USP2: variants seen among roughly 807,000 people sequenced by gnomAD.
The protein encoded by USP2 is ubiquitin specific peptidase 2.
In USP2, 33 loss-of-function variants were observed where a neutral mutation model predicts 72.0. The ratio of observed to expected loss-of-function variants is 0.46; its 90% confidence interval spans 0.35 to 0.61. The LOEUF (loss-of-function observed/expected upper bound fraction) is 0.61. Ranked by LOEUF, USP2 falls within the 20% of genes least tolerant of loss-of-function variation. The pLI is 0.01. For synonymous variants in USP2, 296 were observed against 312.5 expected, an observed-to-expected ratio of 0.95 and a Z score of 0.56; for missense variants, 691 against 797.8, an observed-to-expected ratio of 0.87 and a Z score of 1.61.
rs372906234 is a variant in USP2 at position 119,373,010 on chromosome 11, A to C, written c.471T>G (p.Asp157Glu). ...ARDFSSLRTS[D>E]SYRIDPRNLG... ...GGTTCCTGGGGTCTATCCGGTAGCT[A>C]TCTGAGGTCCGGAGGCTGGAGAAAT... Residue 157 changes from aspartate to glutamate, a missense_variant, in exon 2 of 13, where the codon GAT (aspartate) becomes GAG (glutamate). Coordinates refer to ENST00000260187, the MANE Select transcript of USP2 (RefSeq NM_004205.5). The C allele has an allele frequency of 1.5e-5, 25 of 1,613,678 alleles. No individual in the cohort carries two copies. The highest frequency in any genetic ancestry group is 2.7e-5 in the African/African-American group (2 of 74,904).
Position 119,356,173 on chromosome 11 carries a change from T to G in USP2, c.*662A>C, listed in dbSNP as rs999119650. 1 of 151,850 alleles carries G rather than the reference T, an allele frequency of 6.6e-6. No homozygotes were observed. Among genetic ancestry groups the G allele is most frequent in the Non-Finnish European group, 1.5e-5 (1 of 67,980 alleles). The allele number at this position is 151,850 out of a possible 1,614,324, so 9.4% of individuals were successfully genotyped here. A position where few individuals can be genotyped will look rare whatever the true frequency, so the allele number is the denominator to read the frequency against. ...ACCACGGAGGGCTAGCATTAGAAAG[T>G]TGTACTTGGAAAAGCAATAAAAGGA... On this transcript the variant is annotated 3_prime_UTR_variant, in exon 13 of 13. Transcript: ENST00000260187.
intron 1 of USP2, among the ~76,000 whole-genome samples, chr11:119,381,270 C>G (rs970103629): frequency 1.3e-5 from 2 of 152,170 alleles, no homozygotes; most frequent in African/African-American, 4.8e-5. Flanking sequence ...ACACAGTTGG[C>G]TCTTCCTGGC....
At chr11:119,364,313 G>A in intron 2 of USP2, 1 of 463,468 alleles carries the variant, frequency 2.2e-6, no homozygotes, top group Non-Finnish European at 2.8e-6. Flanking sequence ...GCGCCGGCAC[G>A]CGGACCCGAA....
In USP2 at chr11:119,358,844, A is replaced by C. The variant is rs374271839; in HGVS notation, c.1173-7T>G. ...TCGGCCTTTCTCGTCATCACTGGGA[A>C]CCAGAGAGAGACAACAATTGGGTCA... On this transcript the variant is annotated splice_polypyrimidine_tract_variant and splice_region_variant and intron_variant, in intron 6 of 12. Transcript: ENST00000260187. 10 of 1,613,928 alleles carry C rather than the reference A, an allele frequency of 6.2e-6. No homozygotes were observed. In the African/African-American group the frequency reaches 1.3e-4, roughly 22 times the overall value.
Position 119,381,495 on chromosome 11 carries a change from C to T in USP2, c.-64G>A, listed in dbSNP as rs776249379. On this transcript the variant is annotated 5_prime_UTR_variant, in exon 1 of 13. Transcript: ENST00000260187. ...TACCTGCCTCTTCTTGGAGTATGGA[C>T]GAGTCGAACCGGGCACAAGCATGGA... The T allele has an allele frequency of 6.5e-7, 1 of 1,536,182 alleles. No homozygotes were observed. Among genetic ancestry groups the T allele is most frequent in the South Asian group, 1.2e-5 (1 of 84,064 alleles).
chr11:119,378,445 G>T (rs950509632), intron 1 of USP2, among the ~76,000 whole-genome samples: 3 of 152,158 alleles, frequency 2.0e-5, no homozygotes, highest in Non-Finnish European at 2.9e-5. Flanking sequence ...GTCTATCAGG[G>T]GCTAGCACCC....
At position 119,373,416 on chromosome 11, in the gene USP2, T is replaced by A; in HGVS notation, c.65A>T (p.Tyr22Phe). The A allele has an allele frequency of 6.2e-7, 1 of 1,605,320 alleles. No homozygotes were observed. Among genetic ancestry groups the A allele is most frequent in the Non-Finnish European group, 8.5e-7 (1 of 1,179,838 alleles). The change falls in exon 2 of 13, where the codon TAT becomes TTT. Residue 22 changes from tyrosine to phenylalanine, a missense_variant. Tyr to Phe is a conservative substitution (Grantham distance 22, BLOSUM62 3). Transcript: ENST00000260187. ...TESARYTDAH[Y>F]AKSGYGAYTP... The stretch of plus-strand genomic sequence containing the variant: ...GTAGGCACCATAGCCCGACTTGGCA[T>A]AGTGGGCATCTGTGTAGCGGGCCGA...
In USP2 at chr11:119,356,125, G is replaced by T. The variant is rs1313489462; in HGVS notation, c.*710C>A. On this transcript the variant is annotated 3_prime_UTR_variant, in exon 13 of 13. Coordinates refer to ENST00000260187, the MANE Select transcript of USP2 (RefSeq NM_004205.5). The stretch of plus-strand genomic sequence containing the variant: ...CCAGGTCTACTGTGGCTGTGCTTGG[G>T]GCCTGGCCAACGCCCACCTAGCACC... The T allele has an allele frequency of 6.6e-6, 1 of 151,852 alleles. No individual in the cohort carries two copies. Among genetic ancestry groups the T allele is most frequent in the Admixed American group, 6.6e-5 (1 of 15,236 alleles). 9.4% of individuals were successfully genotyped at this position (151,852 alleles called of 1,614,324 possible).
intron 1 of USP2, among the ~76,000 whole-genome samples, chr11:119,374,526 G>A (rs948460180): frequency 3.9e-5 from 6 of 152,128 alleles, no homozygotes; most frequent in Admixed American, 6.5e-5. Flanking sequence ...ATTTGCCCCC[G>A]GCCACACACC....
chr11:119,364,454 G>A (rs1233371984), intron 2 of USP2, among the ~76,000 whole-genome samples: 1 of 152,148 alleles, frequency 6.6e-6, no homozygotes, highest in Non-Finnish European at 1.5e-5. Flanking sequence ...GGCCGGCCTC[G>A]GGGTTGAGGC....
chr11:119,363,286 C>G (rs1474480557), intron 2 of USP2, among the ~76,000 whole-genome samples: 1 of 152,236 alleles, frequency 6.6e-6, no homozygotes, highest in Admixed American at 6.5e-5. Context: ...GCGGAGGGAC[C>G]CGCTGCCCGC....
chr11:119,360,208 A>G lies in USP2; in HGVS notation c.801T>C (p.Ala267=). Residue 267 remains alanine (A), a synonymous_variant, in exon 3 of 13, where the codon GCT becomes GCC. Coordinates refer to ENST00000260187, the MANE Select transcript of USP2 (RefSeq NM_004205.5). ...CCGTGTTCCCAAGGTTTCGAAGACC[A>G]GCCAGACCCTGGGCACTCTTAGAAT... ...GMNSKSAQGL[A]GLRNLGNTCF... 1 of 1,614,064 alleles carries G rather than the reference A, an allele frequency of 6.2e-7. No homozygotes were observed. Among genetic ancestry groups the G allele is most frequent in the Non-Finnish European group, 8.5e-7 (1 of 1,180,010 alleles).
At chr11:119,357,662 G>A in intron 10 of USP2, 72 bp from the exon 11 acceptor site, 1 of 1,613,502 alleles carries the variant, frequency 6.2e-7, no homozygotes, top group East Asian at 2.2e-5. Context: ...AGCCTACAAG[G>A]TCCGTTTCTT....
intron 2 of USP2, chr11:119,363,744 G>A: frequency 3.5e-6 from 3 of 862,558 alleles, no homozygotes; most frequent in South Asian, 6.2e-5. Context: ...GTGGGGGCTG[G>A]GAAGAATCCG....
intron 2 of USP2, chr11:119,363,912 G>GC: frequency 7.5e-7 from 1 of 1,333,394 alleles, no homozygotes; most frequent in Non-Finnish European, 9.6e-7. Flanking sequence ...AGAGAGGGGA[G>GC]CGCGGCCGCA....
Position 119,357,535 on chromosome 11 carries a change from C to T in USP2, c.1557G>A (p.Val519=), listed in dbSNP as rs781198101. The T allele has an allele frequency of 1.9e-6, 3 of 1,614,046 alleles. No individual in the cohort carries two copies. In the African/African-American group the frequency reaches 4.0e-5, roughly 22 times the overall value. The part of the protein sequence containing the change: ...RIRTSKLTTF[V]NFPLRDLDLR... ...AGTCCAGGTCTCTTAGGGGGAAGTT[C>T]ACAAATGTTGTGAGCTTGCTGGTTC... Residue 519 remains valine (V), a synonymous_variant, in exon 11 of 13, where the codon GTG becomes GTA. Coordinates refer to ENST00000260187, the MANE Select transcript of USP2 (RefSeq NM_004205.5).
In USP2 at chr11:119,360,286, G is replaced by A. The variant is rs1950742569; in HGVS notation, c.775-52C>T. 2.5e-6 allele frequency: 4 copies of A among 1,592,600 alleles called. No homozygotes were observed. The South Asian group carries it at 4.5e-5, about 18-fold the overall frequency. On this transcript the variant is annotated intron_variant, in intron 2 of 12. Coordinates refer to ENST00000260187, the MANE Select transcript of USP2 (RefSeq NM_004205.5). The stretch of plus-strand genomic sequence containing the variant: ...AGGTGGAAGCAAAGATGCTAGGCCT[G>A]TGCTGGGCTCTCTCGTGCAATTTCT...
chr11:119,358,495 TA>T (rs1167834308), intron 7 of USP2, among the ~76,000 whole-genome samples: 1 of 152,178 alleles, frequency 6.6e-6, no homozygotes, highest in Non-Finnish European at 1.5e-5. Context: ...TTTGCATTTT[TA>T]GTAGAGATGG....
At position 119,356,484 on chromosome 11, in the gene USP2, C is replaced by T. The variant is rs1258835809; in HGVS notation, c.*351G>A. On this transcript the variant is annotated 3_prime_UTR_variant, in exon 13 of 13. Coordinates refer to ENST00000260187, the MANE Select transcript of USP2 (RefSeq NM_004205.5). ...CGAGCTCCAGAGGGCGCTGTCCCCT[C>T]GGAGGCGCGGGCGCTGCGGCGGGAA... 5 of 212,426 alleles carry T rather than the reference C, an allele frequency of 2.4e-5. No individual in the cohort carries two copies. Among genetic ancestry groups the T allele is most frequent in the Non-Finnish European group, 3.7e-5 (4 of 106,780 alleles). 13.2% of individuals were successfully genotyped at this position (212,426 alleles called of 1,614,324 possible).
Sources: allele counts gnomAD v4.1 joint callset (sites outside exome capture counted in the v4.1 genomes callset), GRCh38; gene constraint gnomAD v4.1.1; transcripts MANE v1.5; gene names NCBI Gene and HGNC (gene_info 2026-07-23, HGNC 2026-07-21).